The following ENO4 variants were observed in gnomAD, a reference collection of about 807,000 sequenced individuals.
ENO4 encodes enolase 4.
Under a neutral mutation model 63.2 loss-of-function variants are expected in ENO4, and 53 were observed. The ratio of observed to expected loss-of-function variants is 0.84; its 90% CI spans 0.67 to 1.05. The LOEUF (loss-of-function observed/expected upper bound fraction) is 1.05. Among genes scored for constraint, ENO4 ranks in the 50% least tolerant of loss-of-function variants. The pLI, the probability that ENO4 is intolerant of heterozygous loss-of-function variation, is 0.00. For missense variants in ENO4, 719 were observed against 772.0 expected, an observed-to-expected ratio of 0.93 and a Z score of 0.81; for synonymous variants, 266 against 283.8, an observed-to-expected ratio of 0.94 and a Z score of 0.63.
intron 10 of ENO4, among the ~76,000 whole-genome samples, chr10:116,904,197 A>C (rs540233419): frequency 7.9e-5 from 12 of 152,186 alleles, no homozygotes; most frequent in Non-Finnish European, 1.6e-4. Flanking sequence ...CAAGTACCTG[A>C]GACACCAACC....
At chr10:116,889,155 G>A (rs974594919) in intron 10 of ENO4, among the ~76,000 whole-genome samples, 1 of 152,224 alleles carries the variant, frequency 6.6e-6, no homozygotes, top group Non-Finnish European at 1.5e-5. Context: ...TGTAGGTGAA[G>A]GGGTGGTGCA....
chr10:116,856,606 T>TG lies in ENO4; in HGVS notation c.412dup (p.Val138GlyfsTer16). ...CAGCGCGGTGAGCACCGCCGTGCAGTGGGTCAACAGCACCATCACGCACGA... is the reference window on the plus strand; with the variant it reads ...CAGCGCGGTGAGCACCGCCGTGCAGTGGGGTCAACAGCACCATCACGCACGA... On this transcript the variant is annotated frameshift_variant, in exon 3 of 14. Transcript: ENST00000341276. LOFTEE classifies it high-confidence loss of function. The TG allele has an allele frequency of 6.5e-7, 1 of 1,536,148 alleles. No homozygotes were observed. Among genetic ancestry groups the TG allele is most frequent in the Non-Finnish European group, 8.7e-7 (1 of 1,146,912 alleles).
intron 13 of ENO4, 24 bp from the exon 14 acceptor site, chr10:116,881,491 A>G (rs774623187): frequency 9.2e-6 from 14 of 1,513,664 alleles, no homozygotes. Flanking sequence ...ATTAGACAGT[A>G]AACTTTATTG....
At chr10:116,874,022 T>C (rs1846766269) in intron 9 of ENO4, 54 bp from the exon 10 acceptor site, 1 of 1,472,620 alleles carries the variant, frequency 6.8e-7, no homozygotes, top group African/African-American at 1.4e-5. Flanking sequence ...ATCTTTGGGA[T>C]TTGATGAATT....
intron 10 of ENO4, among the ~76,000 whole-genome samples, chr10:116,897,622 G>T (rs1054958721): frequency 6.6e-6 from 1 of 152,180 alleles, no homozygotes; most frequent in Non-Finnish European, 1.5e-5. Context: ...GATAAGATAG[G>T]AAAGGAATTT....
intron 10 of ENO4, among the ~76,000 whole-genome samples, chr10:116,898,830 A>G (rs1341047113): frequency 6.6e-6 from 1 of 152,192 alleles, no homozygotes; most frequent in Non-Finnish European, 1.5e-5. Context: ...CCTTATAATT[A>G]AGCATTAAAA....
intron 10 of ENO4, among the ~76,000 whole-genome samples, chr10:116,903,842 T>C (rs1847851341): frequency 6.6e-6 from 1 of 152,192 alleles, no homozygotes; most frequent in African/African-American, 2.4e-5. Flanking sequence ...TTTTCTTATA[T>C]ACAAAAAGAC....
intron 10 of ENO4, chr10:116,907,955 G>T (rs937043435): frequency 5.9e-6 from 3 of 511,858 alleles, no homozygotes; most frequent in African/African-American, 1.9e-5. Flanking sequence ...GCTAAAAATG[G>T]TTGTTTTAGC....
At chr10:116,869,464 A>C (rs956734035) in intron 8 of ENO4, among the ~76,000 whole-genome samples, 2 of 152,016 alleles carry the variant, frequency 1.3e-5, no homozygotes, top group African/African-American at 2.4e-5. Context: ...AGCTGAAGAC[A>C]AAAAAAAGAG....
chr10:116,907,265 G>C (rs117506955), intron 10 of ENO4, among the ~76,000 whole-genome samples: 1 of 152,138 alleles, frequency 6.6e-6, no homozygotes, highest in Non-Finnish European at 1.5e-5. Flanking sequence ...ATGCTCTCCA[G>C]GGGCCGACCC....
intron 1 of ENO4, among the ~76,000 whole-genome samples, chr10:116,852,844 A>G (rs1404508669): frequency 1.3e-5 from 2 of 152,178 alleles, no homozygotes; most frequent in African/African-American, 2.4e-5. Flanking sequence ...CAGCTTGGAT[A>G]TGCTGGCTCC....
chr10:116,865,113 T>C (rs1846517242), intron 7 of ENO4, among the ~76,000 whole-genome samples: 2 of 151,676 alleles, frequency 1.3e-5, no homozygotes, highest in Non-Finnish European at 2.9e-5. Flanking sequence ...CTTTACTTCT[T>C]TGCCCTTTTC....
chr10:116,873,473 T>C (rs1846751884), intron 9 of ENO4, among the ~76,000 whole-genome samples: 1 of 152,198 alleles, frequency 6.6e-6, no homozygotes, highest in Non-Finnish European at 1.5e-5. Flanking sequence ...ACTTAGGGGC[T>C]TTCCAGACTT....
In ENO4 at chr10:116,849,515, G is replaced by A; in HGVS notation, c.-52G>A. The A allele has an allele frequency of 1.4e-6, 2 of 1,452,980 alleles. No homozygotes were observed. Among genetic ancestry groups the A allele is most frequent in the Non-Finnish European group, 1.8e-6 (2 of 1,097,294 alleles). The allele number at this position is 1,452,980 out of a possible 1,614,324, so 90.0% of individuals were successfully genotyped here. ...CGTTGCGTTGCCTAGCGACAGCAGG[G>A]ACGCTCGTGGGACCCCAGGCTAAAC... is the stretch of plus-strand genomic sequence containing the variant. On this transcript the variant is annotated 5_prime_UTR_variant, in exon 1 of 14. Transcript: ENST00000341276.
At chr10:116,907,335 C>T (rs546226250) in intron 10 of ENO4, among the ~76,000 whole-genome samples, 2 of 152,280 alleles carry the variant, frequency 1.3e-5, no homozygotes, top group African/African-American at 4.8e-5. Context: ...TATAATCATA[C>T]AGAGAGGCAA....
At chr10:116,850,982 AT>A (rs2133238639) in intron 1 of ENO4, among the ~76,000 whole-genome samples, 1 of 152,326 alleles carries the variant, frequency 6.6e-6, no homozygotes, top group Admixed American at 6.5e-5. Flanking sequence ...CTTGACTCTC[AT>A]TCCATTCTCT....
intron 11 of ENO4, 140 bp downstream of exon 11, chr10:116,876,400 A>C: frequency 2.7e-6 from 2 of 753,630 alleles, no homozygotes; most frequent in South Asian, 4.1e-5. Context: ...TGAGAGATTT[A>C]GTGCTGGAAC....
chr10:116,891,768 T>G (rs996146489), intron 10 of ENO4, among the ~76,000 whole-genome samples: 1 of 152,102 alleles, frequency 6.6e-6, no homozygotes, highest in Non-Finnish European at 1.5e-5. Context: ...TGTCCAAAAC[T>G]TCACAAAATA....
At chr10:116,893,337 G>A (rs1475250061) in intron 10 of ENO4, among the ~76,000 whole-genome samples, 3 of 152,152 alleles carry the variant, frequency 2.0e-5, no homozygotes, top group Admixed American at 1.3e-4. Context: ...CGCACATGGA[G>A]AACCTTTGTA....
Sources: gnomAD v4.1 joint callset for allele counts (sites outside exome capture counted in the v4.1 genomes callset) on GRCh38, gnomAD v4.1.1 for gene constraint, MANE v1.5 for transcripts, NCBI Gene and HGNC (gene_info 2026-07-23, HGNC 2026-07-21) for gene names.